The following PPARG variants were observed in gnomAD, a reference collection of about 807,000 sequenced individuals.
PPARG encodes the protein peroxisome proliferator-activated receptor gamma.
In PPARG, 17 loss-of-function variants were observed where a neutral mutation model predicts 39.2. That is an observed-to-expected ratio of 0.43 (90% CI 0.30 to 0.65). PPARG has a LOEUF of 0.65. PPARG is among the 30% of genes least tolerant of loss of function. The probability of loss-of-function intolerance (pLI) is 0.13; values close to 1 mark genes in which losing one functional copy is unlikely to be tolerated. For missense variants in PPARG, 406 were observed against 585.9 expected (o/e 0.69, Z 3.17); for synonymous variants, 223 against 215.7 (o/e 1.03, Z -0.30).
Position 12,373,472 on chromosome 3 carries a change from G to A in PPARG, c.-8-6232G>A, listed in dbSNP as rs548656729. On this transcript the variant is annotated intron_variant, in intron 2 of 7. Coordinates refer to ENST00000651735, the MANE Select transcript of PPARG (RefSeq NM_138711.6). ...GAAAAAACTGAATATACATCGTTAAGGGGAATGGTTATGGCTTAAGTTGTA... is the reference window on the plus strand; with the variant it reads ...GAAAAAACTGAATATACATCGTTAAAGGGAATGGTTATGGCTTAAGTTGTA... Among the ~76,000 whole-genome samples, 3 of 152,292 alleles carry A rather than the reference G, an allele frequency of 2.0e-5. No individual in the cohort carries two copies. The South Asian group carries it at 6.2e-4, about 32-fold the overall frequency.
chr3:12,357,475 G>A (rs1559506043), intron 2 of PPARG, among the ~76,000 whole-genome samples: 2 of 152,166 alleles, frequency 1.3e-5, no homozygotes, highest in South Asian at 4.2e-4. Context: ...TTAGAGTGAG[G>A]GTGACCTTGG....
intron 2 of PPARG, among the ~76,000 whole-genome samples, chr3:12,350,402 ATAGT>A (rs2048446187): frequency 6.6e-6 from 1 of 152,222 alleles, no homozygotes; most frequent in South Asian, 2.1e-4. Flanking sequence ...TGAAGAATGA[ATAGT>A]TACTCAATGG....
chr3:12,385,742 G>C (rs1263909347), intron 4 of PPARG, among the ~76,000 whole-genome samples: 1 of 152,104 alleles, frequency 6.6e-6, no homozygotes, highest in Admixed American at 6.6e-5. Flanking sequence ...CCCTACTTCA[G>C]AAAGAGTTTT....
In PPARG at chr3:12,413,773, G is replaced by A. The variant is rs183676078; in HGVS notation, c.730-2931G>A. Among the ~76,000 whole-genome samples the A allele has an allele frequency of 2.1e-3, 302 of 145,028 alleles. 1 individual carries two copies. The highest frequency in any genetic ancestry group is 2.8e-3 in the Non-Finnish European group (189 of 67,176). On this transcript the variant is annotated intron_variant, in intron 6 of 7. Transcript: ENST00000651735. ...GGAGGTTGCAGTGAGCCTAGATTGCGCCATTGCACTCCAGCCTGGGCAACA... is the reference window on the plus strand; with the variant it reads ...GGAGGTTGCAGTGAGCCTAGATTGCACCATTGCACTCCAGCCTGGGCAACA...
intron 2 of PPARG, among the ~76,000 whole-genome samples, chr3:12,374,030 A>G (rs891037588): frequency 6.6e-6 from 1 of 152,182 alleles, no homozygotes; most frequent in African/African-American, 2.4e-5. Flanking sequence ...CAGATATGCC[A>G]AGAATGGGAG....
At chr3:12,337,682 A>G (rs1451219428) in intron 2 of PPARG, among the ~76,000 whole-genome samples, 1 of 152,100 alleles carries the variant, frequency 6.6e-6, no homozygotes, top group Non-Finnish European at 1.5e-5. Flanking sequence ...TGTTTTTACC[A>G]TTTGCAGTTG....
At chr3:12,391,359 A>C (rs1274128509) in intron 4 of PPARG, among the ~76,000 whole-genome samples, 2 of 152,204 alleles carry the variant, frequency 1.3e-5, no homozygotes, top group Non-Finnish European at 2.9e-5. Context: ...AAAGAAGATC[A>C]AGAGTTCCAG....
chr3:12,426,461 C>A (rs1490599875), intron 7 of PPARG, among the ~76,000 whole-genome samples: 1 of 152,026 alleles, frequency 6.6e-6, no homozygotes, highest in South Asian at 2.1e-4. Flanking sequence ...TTTAAGCTGG[C>A]CCTGCTAGCG....
intron 7 of PPARG, among the ~76,000 whole-genome samples, chr3:12,429,164 G>A (rs4135361): frequency 0.016 from 2,422 of 152,110 alleles, 68 homozygotes; most frequent in African/African-American, 0.054. Flanking sequence ...TACTTACTCC[G>A]TGGCCACAAA....
Position 12,392,715 on chromosome 3 carries a change from G to T in PPARG, c.492G>T (p.Arg164=), listed in dbSNP as rs1163530380. 1.2e-6 allele frequency: 2 copies of T among 1,613,864 alleles called. No individual in the cohort carries two copies. The highest frequency in any genetic ancestry group is 3.3e-5 in the Admixed American group (2 of 59,978). ...KKSRNKCQYC[R]FQKCLAVGMS... ...GTAGAAATAAATGTCAGTACTGTCG[G>T]TTTCAGAAATGCCTTGCAGTGGGGA... The change falls in exon 5 of 8, where the codon CGG becomes CGT. Residue 164 remains arginine (R), a synonymous_variant. Coordinates refer to ENST00000651735, the MANE Select transcript of PPARG (RefSeq NM_138711.6).
chr3:12,345,096 A>G (rs2048289322), intron 2 of PPARG, among the ~76,000 whole-genome samples: 2 of 152,026 alleles, frequency 1.3e-5, no homozygotes, highest in Non-Finnish European at 2.9e-5. Flanking sequence ...TTTTTTTTAG[A>G]GTATTGTTAC....
chr3:12,421,739 A>G (rs1325104519), intron 7 of PPARG, among the ~76,000 whole-genome samples: 2 of 152,240 alleles, frequency 1.3e-5, no homozygotes, highest in Non-Finnish European at 2.9e-5. Flanking sequence ...GAAGCTGCCG[A>G]TATCACTACA....
chr3:12,404,862 G>A (rs887405561), intron 5 of PPARG, among the ~76,000 whole-genome samples: 1 of 152,184 alleles, frequency 6.6e-6, no homozygotes, highest in Non-Finnish European at 1.5e-5. Context: ...CAGAGACAGA[G>A]TCTTGCTAGA....
intron 7 of PPARG, among the ~76,000 whole-genome samples, chr3:12,428,894 A>G (rs1466809290): frequency 1.3e-5 from 2 of 151,290 alleles, no homozygotes; most frequent in African/African-American, 4.8e-5. Context: ...AAATGAGAAT[A>G]CATCTTACAA....
intron 2 of PPARG, among the ~76,000 whole-genome samples, chr3:12,376,868 A>C (rs1270477234): frequency 6.6e-6 from 1 of 152,228 alleles, no homozygotes; most frequent in Non-Finnish European, 1.5e-5. Flanking sequence ...ACTGCAAACA[A>C]GAAAGATACG....
At chr3:12,376,224 C>G (rs2049402319) in intron 2 of PPARG, among the ~76,000 whole-genome samples, 1 of 152,138 alleles carries the variant, frequency 6.6e-6, no homozygotes, top group Non-Finnish European at 1.5e-5. Context: ...GCTGGAATTA[C>G]AGGTGTGAGC....
chr3:12,387,886 A>AC (rs2049938033), intron 4 of PPARG, among the ~76,000 whole-genome samples: 2 of 152,088 alleles, frequency 1.3e-5, no homozygotes. Flanking sequence ...TCTTGAGTTA[A>AC]TTTTGTATAT....
chr3:12,308,058 G>C (rs1027040588), intron 1 of PPARG, among the ~76,000 whole-genome samples: 2 of 152,038 alleles, frequency 1.3e-5, no homozygotes, highest in African/African-American at 4.8e-5. Flanking sequence ...GACTAAAATA[G>C]TCATCATAAG....
intron 2 of PPARG, among the ~76,000 whole-genome samples, chr3:12,327,707 A>T (rs1219612590): frequency 6.6e-6 from 1 of 152,176 alleles, no homozygotes; most frequent in African/African-American, 2.4e-5. Context: ...TCTGTAGGAC[A>T]GTTGACTTAG....
Sources: allele counts gnomAD v4.1 joint callset (sites outside exome capture counted in the v4.1 genomes callset), GRCh38; gene constraint gnomAD v4.1.1; transcripts MANE v1.5; gene names NCBI Gene and HGNC (gene_info 2026-07-23, HGNC 2026-07-21).